Variants in KLHL11 observed in about 807,000 individuals in gnomAD.
KLHL11 encodes the protein kelch-like protein 11.
Under a neutral mutation model 56.1 loss-of-function variants are expected in KLHL11, and 26 were observed. That is an observed-to-expected ratio of 0.46 (90% confidence interval 0.34 to 0.64). The LOEUF (loss-of-function observed/expected upper bound fraction) is 0.64. Ranked by LOEUF, KLHL11 falls within the 30% of genes least tolerant of loss-of-function variation. KLHL11 has a pLI of 0.01. For synonymous variants in KLHL11, 338 were observed against 345.8 expected, an observed-to-expected ratio of 0.98 and a Z score of 0.25; for missense variants, 627 against 919.4, an observed-to-expected ratio of 0.68 and a Z score of 4.11.
chr17:41,854,941 T>G lies in KLHL11; in HGVS notation c.926A>C (p.Glu309Ala), dbSNP rs1555622367. The change falls in exon 2 of 2, where the codon GAG becomes GCG. Residue 309 changes from glutamate (E) to alanine (A), a missense_variant. Transcript: ENST00000319121. The surrounding 1 kb of genome is among the most constrained non-coding windows in gnomAD (Gnocchi z 4.9). ...PTYLTRHVKPERLVANNEVCV... is the reference protein window; with the variant it reads ...PTYLTRHVKPARLVANNEVCV... ...AACTTCATTATTGGCTACCAGCCTC[T>G]CTGGTTTGACATGTCGAGTAAGGTA... 2 of 1,614,128 alleles carry G rather than the reference T, an allele frequency of 1.2e-6. No homozygotes were observed. The highest frequency in any genetic ancestry group is 1.7e-6 in the Non-Finnish European group (2 of 1,180,052).
chr17:41,849,440 T>C lies in KLHL11; in HGVS notation c.*4300A>G, dbSNP rs1285194173. On this transcript the variant is annotated 3_prime_UTR_variant, in exon 2 of 2. Coordinates refer to ENST00000319121, the MANE Select transcript of KLHL11 (RefSeq NM_018143.3). The stretch of plus-strand genomic sequence containing the variant: ...ATTTTAAACATACCACATGCTACAC[T>C]AGTCAAGAGGTAAGGAGGAAAAGTG... The C allele has an allele frequency of 2.0e-5, 3 of 152,152 alleles. No homozygotes were observed. Among genetic ancestry groups the C allele is most frequent in the African/African-American group, 7.2e-5 (3 of 41,438 alleles). The allele number at this position is 152,152 out of a possible 1,614,324, so 9.4% of individuals were successfully genotyped here. A position where few individuals can be genotyped will look rare whatever the true frequency, so the allele number is the denominator to read the frequency against.
chr17:41,861,144 C>T (rs1438184226), intron 1 of KLHL11, among the ~76,000 whole-genome samples: 1 of 152,206 alleles, frequency 6.6e-6, no homozygotes, highest in Non-Finnish European at 1.5e-5. Flanking sequence ...AGGCTACATC[C>T]ATTTTTTCTG....
chr17:41,850,988 C>G lies in KLHL11; in HGVS notation c.*2752G>C, dbSNP rs189341450. The G allele has an allele frequency of 5.9e-5, 9 of 152,004 alleles. No homozygotes were observed. Among genetic ancestry groups the G allele is most frequent in the Non-Finnish European group, 1.0e-4 (7 of 68,018 alleles). The allele number at this position is 152,004 out of a possible 1,614,324, so 9.4% of individuals were successfully genotyped here. A position where few individuals can be genotyped will look rare whatever the true frequency, so the allele number is the denominator to read the frequency against. On this transcript the variant is annotated 3_prime_UTR_variant, in exon 2 of 2. Coordinates refer to ENST00000319121, the MANE Select transcript of KLHL11 (RefSeq NM_018143.3). ...AGCCAAAATTTCTGGTTGTGCTTTT[C>G]TCTTTTGGTATTTGATCACTAACAA... is the stretch of plus-strand genomic sequence containing the variant.
Position 41,865,377 on chromosome 17 carries a change from G to A in KLHL11, c.-7C>T, listed in dbSNP as rs1226528409. ...CCACTGCCGCAGCCGCCATCTTGAC[G>A]CCGCTGCGCCCGGCCTCCACAGCCT... On this transcript the variant is annotated 5_prime_UTR_variant, in exon 1 of 2. Coordinates refer to ENST00000319121, the MANE Select transcript of KLHL11 (RefSeq NM_018143.3). The A allele has an allele frequency of 3.6e-6, 5 of 1,396,364 alleles. No individual in the cohort carries two copies. Among genetic ancestry groups the A allele is most frequent in the Non-Finnish European group, 4.7e-6 (5 of 1,074,582 alleles). 86.5% of individuals were successfully genotyped at this position (1,396,364 alleles called of 1,614,324 possible). A position where few individuals can be genotyped will look rare whatever the true frequency, so the allele number is the denominator to read the frequency against.
At chr17:41,858,438 GTTT>G (rs1238461188) in intron 1 of KLHL11, among the ~76,000 whole-genome samples, 1 of 58,486 alleles carries the variant, frequency 1.7e-5, no homozygotes, top group Non-Finnish European at 3.7e-5. Context: ...TGTTGTTGTT[GTTT>G]TTCTCCCCGA....
In KLHL11 at chr17:41,853,768, C is replaced by T. The variant is rs782116304; in HGVS notation, c.2099G>A (p.Arg700Gln). ...GCATTCAATCTGAGAGCTTGGCACT[C>T]GCCTCATGTTCAGGGCGTGACGATG... ...EIHRHALNMRRVPSSQIEC is the reference protein window; with the variant it reads ...EIHRHALNMRQVPSSQIEC The change falls in exon 2 of 2, where the codon CGA becomes CAA. Residue 700 changes from arginine (R) to glutamine (Q), a missense_variant. Transcript: ENST00000319121. 1.9e-5 allele frequency: 31 copies of T among 1,612,798 alleles called. No individual in the cohort carries two copies. Among genetic ancestry groups the T allele is most frequent in the African/African-American group, 6.7e-5 (5 of 74,908 alleles).
At chr17:41,860,485 A>G (rs1232239878) in intron 1 of KLHL11, among the ~76,000 whole-genome samples, 4 of 152,112 alleles carry the variant, frequency 2.6e-5, no homozygotes, top group Non-Finnish European at 5.9e-5. Context: ...AGTGCCTGAC[A>G]AAAGCCATTG....
At chr17:41,858,783 C>T (rs1360390206) in intron 1 of KLHL11, among the ~76,000 whole-genome samples, 1 of 151,888 alleles carries the variant, frequency 6.6e-6, no homozygotes, top group South Asian at 2.1e-4. Flanking sequence ...AAGGTTTTGC[C>T]ATGTTGGCCA....
At chr17:41,862,868 A>G (rs539233743) in intron 1 of KLHL11, among the ~76,000 whole-genome samples, 3 of 152,266 alleles carry the variant, frequency 2.0e-5, no homozygotes, top group Non-Finnish European at 4.4e-5. Flanking sequence ...TGCACTTCCC[A>G]GGGATCTCCT....
At chr17:41,858,955 G>T (rs916259953) in intron 1 of KLHL11, among the ~76,000 whole-genome samples, 15 of 152,096 alleles carry the variant, frequency 9.9e-5, no homozygotes, top group Non-Finnish European at 1.9e-4. Flanking sequence ...GAACTTCTTT[G>T]GGGATCTGCT....
rs8066947 is a variant in KLHL11, at chr17:41,848,729, A to G, written c.*5011T>C. The G allele has an allele frequency of 2.0e-4, 32 of 159,470 alleles. No individual in the cohort carries two copies. Among genetic ancestry groups the G allele is most frequent in the African/African-American group, 7.0e-4 (29 of 41,642 alleles). The allele number at this position is 159,470 out of a possible 1,614,324, so 9.9% of individuals were successfully genotyped here. On this transcript the variant is annotated 3_prime_UTR_variant, in exon 2 of 2. Transcript: ENST00000319121. ...TGGATACTACTAGTCCAAAAAACTT[A>G]CTGCATCAACTCAAACTAAATGTTT...
chr17:41,859,717 C>T lies in KLHL11; in HGVS notation c.546-4396G>A, dbSNP rs528707311. On this transcript the variant is annotated intron_variant, in intron 1 of 1. Transcript: ENST00000319121. ...GAGCTGAGATCACGCCACTGCACTCCATCCTGGGCGACATAGTACAAAGCA... is the reference window on the plus strand; with the variant it reads ...GAGCTGAGATCACGCCACTGCACTCTATCCTGGGCGACATAGTACAAAGCA... Among the ~76,000 whole-genome samples, 7 of 152,258 alleles carry T rather than the reference C, an allele frequency of 4.6e-5. No individual in the cohort carries two copies. The South Asian group carries it at 1.4e-3, about 32-fold the overall frequency.
chr17:41,853,710 AAC>A lies in KLHL11; in HGVS notation c.*28_*29del. The A allele has an allele frequency of 2.5e-6, 4 of 1,575,850 alleles. No individual in the cohort carries two copies. Among genetic ancestry groups the A allele is most frequent in the Non-Finnish European group, 3.5e-6 (4 of 1,159,100 alleles). On this transcript the variant is annotated 3_prime_UTR_variant, in exon 2 of 2. Coordinates refer to ENST00000319121, the MANE Select transcript of KLHL11 (RefSeq NM_018143.3). ...ATCTTCAGCTTCACGAAACGGGTGT[AAC>A]AGTTTTAATCGGCACGCTTGAGAGA...
In KLHL11 at chr17:41,854,901, G is replaced by T. The variant is rs782240023; in HGVS notation, c.966C>A (p.Val322=). Residue 322 remains valine (V), a synonymous_variant, in exon 2 of 2, where the codon GTC becomes GTA. Coordinates refer to ENST00000319121, the MANE Select transcript of KLHL11 (RefSeq NM_018143.3). The surrounding 1 kb of genome is among the most constrained non-coding windows in gnomAD (Gnocchi z 4.9). ...VANNEVCVKL[V]ADAVERHALR... The stretch of plus-strand genomic sequence containing the variant: ...GAGCATGTCTCTCCACTGCGTCAGC[G>T]ACCAACTTGACACAAACTTCATTAT... 6.2e-7 allele frequency: 1 copy of T among 1,614,132 alleles called. No individual in the cohort carries two copies. Among genetic ancestry groups the T allele is most frequent in the East Asian group, 2.2e-5 (1 of 44,886 alleles).
Position 41,865,019 on chromosome 17 carries a change from C to A in KLHL11, c.352G>T (p.Ala118Ser). 1 of 1,598,358 alleles carries A rather than the reference C, an allele frequency of 6.3e-7. No homozygotes were observed. Among genetic ancestry groups the A allele is most frequent in the Non-Finnish European group, 8.5e-7 (1 of 1,171,772 alleles). The change falls in exon 1 of 2, where the codon GCC (alanine) becomes TCC (serine). Residue 118 changes from alanine to serine, a missense_variant. Ala to Ser is a moderately conservative substitution (Grantham distance 99). Around this residue, in one of 4 missense-constraint regions of KLHL11, gnomAD observed 150 missense variants for 215.7 expected, o/e 0.70. Coordinates refer to ENST00000319121, the MANE Select transcript of KLHL11 (RefSeq NM_018143.3). ...FRAHRSVLAA[A>S]TEYFTPLLSG... ...AGCAGGGGCGTGAAGTACTCGGTGG[C>A]GGCAGCCAGTACCGAGCGGTGGGCC...
In KLHL11 at chr17:41,851,751, C is replaced by CA. The variant is rs1394237362; in HGVS notation, c.*1988dup. Among the ~76,000 whole-genome samples, 36 of 146,482 alleles carry CA rather than the reference C, an allele frequency of 2.5e-4. No individual in the cohort carries two copies. The highest frequency in any genetic ancestry group is 7.5e-4 in the African/African-American group (30 of 39,930). ...AGAAACCCCATCTCTACCAAAAATA[C>CA]AAAAAAAAAATTAGCTGGGCGTGGT... On this transcript the variant is annotated 3_prime_UTR_variant, in exon 2 of 2. Transcript: ENST00000319121.
intron 1 of KLHL11, 95 bp downstream of exon 1, chr17:41,864,731 G>A: frequency 4.7e-6 from 6 of 1,264,064 alleles, no homozygotes; most frequent in Non-Finnish European, 5.2e-6. Context: ...CAGGACTCGC[G>A]AGCTGCCGTG....
At position 41,857,184 on chromosome 17, in the gene KLHL11, G is replaced by A. The variant is rs527821111; in HGVS notation, c.546-1863C>T. 2.7e-4 allele frequency among the ~76,000 whole-genome samples: 41 copies of A among 151,894 alleles called. 1 individual carries two copies. The South Asian group carries it at 8.5e-3, about 32-fold the overall frequency. On this transcript the variant is annotated intron_variant, in intron 1 of 1. Transcript: ENST00000319121. The stretch of plus-strand genomic sequence containing the variant: ...GAATAGCCACTGCACTCCAGCCTGG[G>A]CAACATAGCAAGACTGTCTCTTTAA...
chr17:41,856,278 C>T (rs576470826), intron 1 of KLHL11, among the ~76,000 whole-genome samples: 4 of 152,348 alleles, frequency 2.6e-5, no homozygotes, highest in Admixed American at 2.0e-4. Flanking sequence ...GCGTGGGCCA[C>T]TGTGCCTGGC....
Sources: gnomAD v4.1 joint callset for allele counts (sites outside exome capture counted in the v4.1 genomes callset) on GRCh38, gnomAD v4.1.1 for gene constraint, gnomAD v4.1.1 regional missense constraint, Gnocchi (gnomAD v3.1) non-coding constraint, MANE v1.5 for transcripts, NCBI Gene and HGNC (gene_info 2026-07-23, HGNC 2026-07-21) for gene names.